SLC67A1: variants seen among roughly 807,000 people sequenced by gnomAD.
SLC67A1 encodes solute carrier family 67 member 1.
the SLC67A1 span, chr11:2,916,449 A>G: frequency 1.7e-6 from 1 of 587,448 alleles, no homozygotes; most frequent in South Asian, 2.3e-5. Flanking sequence ...TCCATCACCT[A>G]ATAAATGTGC....
chr11:2,902,590 GC>G, the SLC67A1 span: 988 of 985,476 alleles, frequency 1.0e-3, 1 homozygote, highest in Non-Finnish European at 1.1e-3. Context: ...GTACCTCGGG[GC>G]TCAGATGTGC....
chr11:2,919,426 C>A, the SLC67A1 span: 1 of 1,583,066 alleles, frequency 6.3e-7, no homozygotes, highest in Non-Finnish European at 8.7e-7. Context: ...GCACACAGGG[C>A]CTGCTGGGGG....
the SLC67A1 span, chr11:2,921,064 C>CAAAAAAAAAAAAA: frequency 7.5e-6 from 1 of 132,554 alleles, no homozygotes; most frequent in Non-Finnish European, 1.6e-5. Context: ...ACCAAAAATA[C>CAAAAAAAAAAAAA]AAAAAAAAAA....
chr11:2,908,401 G>C, the SLC67A1 span: 4 of 1,194,730 alleles, frequency 3.3e-6, no homozygotes, highest in Non-Finnish European at 4.8e-6. Context: ...CATGGGCTCA[G>C]ACGGGCCAGG....
the SLC67A1 span, chr11:2,908,313 C>G: frequency 6.2e-7 from 1 of 1,613,236 alleles, no homozygotes; most frequent in Non-Finnish European, 8.5e-7. Context: ...AGCTGCTGGG[C>G]GGGCCGGTAT....
chr11:2,908,243 G>A, the SLC67A1 span: 48 of 1,613,596 alleles, frequency 3.0e-5, no homozygotes, highest in Admixed American at 3.5e-4. Flanking sequence ...TACCTGTCTC[G>A]GAAACTGGGC....
the SLC67A1 span, among the ~76,000 whole-genome samples, chr11:2,915,411 CCCTG>C: frequency 2.6e-5 from 4 of 152,174 alleles, no homozygotes; most frequent in African/African-American, 9.7e-5. Flanking sequence ...TCTTCCAGGA[CCCTG>C]ACCCCTACTG....
At chr11:2,901,280 A>T in the SLC67A1 span, among the ~76,000 whole-genome samples, 1 of 152,240 alleles carries the variant, frequency 6.6e-6, no homozygotes, top group Non-Finnish European at 1.5e-5. Flanking sequence ...GGAATGGCTT[A>T]GCCAGCCGGC....
At chr11:2,908,358 T>G in the SLC67A1 span, 2 of 1,534,386 alleles carry the variant, frequency 1.3e-6, no homozygotes, top group Non-Finnish European at 1.8e-6. Context: ...ACAGGGGCTC[T>G]CCCCACAGTG....
At chr11:2,912,528 C>G in the SLC67A1 span, among the ~76,000 whole-genome samples, 1 of 152,230 alleles carries the variant, frequency 6.6e-6, no homozygotes, top group African/African-American at 2.4e-5. Flanking sequence ...CCCTGCCCAC[C>G]CACCTGTGTA....
the SLC67A1 span, among the ~76,000 whole-genome samples, chr11:2,912,987 A>C: frequency 6.6e-6 from 1 of 152,086 alleles, no homozygotes; most frequent in African/African-American, 2.4e-5. Context: ...GAGCTCAGAG[A>C]GGGAGGAGGG....
At chr11:2,903,584 G>C in the SLC67A1 span, 1 of 1,420,258 alleles carries the variant, frequency 7.0e-7, no homozygotes, top group Middle Eastern at 1.8e-4. Context: ...GTGGGGGTGG[G>C]GGTTTCATGC....
chr11:2,909,364 CG>C, the SLC67A1 span: 1,516,560 of 1,517,780 alleles, frequency 1, 757,674 homozygotes, highest in Middle Eastern at 1. Context: ...CAGGTAGGGC[CG>C]GGGGGACTGG....
At chr11:2,917,607 T>C in the SLC67A1 span, among the ~76,000 whole-genome samples, 1 of 152,206 alleles carries the variant, frequency 6.6e-6, no homozygotes, top group African/African-American at 2.4e-5. Context: ...GGCCTGGTCA[T>C]GCTCTGCCCC....
the SLC67A1 span, chr11:2,899,734 G>T: frequency 2.1e-6 from 3 of 1,445,592 alleles, no homozygotes; most frequent in East Asian, 5.0e-5. Context: ...AAAAAAAAAG[G>T]TCTCTCCGAT....
chr11:2,902,543 A>AG, the SLC67A1 span: 1 of 983,500 alleles, frequency 1.0e-6, no homozygotes, highest in Non-Finnish European at 1.2e-6. Flanking sequence ...CCGGACCCTC[A>AG]GGGGTCTCCC....
chr11:2,918,460 C>T, the SLC67A1 span, among the ~76,000 whole-genome samples: 1 of 152,224 alleles, frequency 6.6e-6, no homozygotes, highest in South Asian at 2.1e-4. Flanking sequence ...TGGCCCTGGG[C>T]CCTCTCAGCA....
the SLC67A1 span, chr11:2,922,281 T>A: frequency 6.6e-7 from 1 of 1,522,642 alleles, no homozygotes; most frequent in Non-Finnish European, 9.1e-7. Context: ...CATCTGTGCT[T>A]AAGCCCTTGG....
At chr11:2,910,088 C>T in the SLC67A1 span, among the ~76,000 whole-genome samples, 1 of 152,138 alleles carries the variant, frequency 6.6e-6, no homozygotes, top group Non-Finnish European at 1.5e-5. Flanking sequence ...AGCTGTTGGA[C>T]GGTGCCCAGA....
Sources: gnomAD v4.1 joint callset for allele counts (sites outside exome capture counted in the v4.1 genomes callset) on GRCh38, gnomAD v4.1.1 for gene constraint, MANE v1.5 for transcripts, NCBI Gene and HGNC (gene_info 2026-07-23, HGNC 2026-07-21) for gene names.